The following CCNY variants were observed in gnomAD, a reference collection of about 807,000 sequenced individuals.
The protein encoded by CCNY is cyclin Y.
CCNY carries 19 observed loss-of-function variants against 42.8 expected under a neutral mutation model. The ratio of observed to expected loss-of-function variants is 0.44; its 90% CI spans 0.31 to 0.65. CCNY has a LOEUF of 0.65. Among genes scored for constraint, CCNY ranks in the 30% least tolerant of loss-of-function variants. The probability of loss-of-function intolerance (pLI) is 0.07; values close to 1 mark genes in which losing one functional copy is unlikely to be tolerated. For synonymous variants in CCNY, 165 were observed against 162.7 expected, an observed-to-expected ratio of 1.01 and a Z score of -0.11; for missense variants, 370 against 437.3, an observed-to-expected ratio of 0.85 and a Z score of 1.37.
intron 1 of CCNY, among the ~76,000 whole-genome samples, chr10:35,419,023 G>A (rs983629249): frequency 6.6e-6 from 1 of 152,036 alleles, no homozygotes; most frequent in Non-Finnish European, 1.5e-5. Context: ...GTTTCACCAT[G>A]TTGGCCAGGC....
intron 3 of CCNY, among the ~76,000 whole-genome samples, chr10:35,274,353 C>T (rs1232901507): frequency 1.3e-5 from 2 of 152,158 alleles, no homozygotes; most frequent in Admixed American, 6.6e-5. Context: ...ATGGGAGCTA[C>T]AATGCAAGAT....
chr10:35,412,860 CAAAAAAAAA>C (rs10558250), intron 1 of CCNY, among the ~76,000 whole-genome samples: 745 of 34,770 alleles, frequency 0.021, 12 homozygotes, highest in African/African-American at 0.071. Context: ...GACTCTGTCT[CAAAAAAAAA>C]AAAAAAAAAA....
chr10:35,503,173 TCTG>T (rs1840145715), intron 3 of CCNY, among the ~76,000 whole-genome samples: 1 of 151,954 alleles, frequency 6.6e-6, no homozygotes, highest in Non-Finnish European at 1.5e-5. Flanking sequence ...TGAGAACACA[TCTG>T]CTGCACCCAG....
intron 3 of CCNY, among the ~76,000 whole-genome samples, chr10:35,305,559 T>C (rs1193759578): frequency 6.6e-5 from 10 of 152,228 alleles, no homozygotes; most frequent in Non-Finnish European, 1.0e-4. Context: ...GAGCTGCTGT[T>C]TACCCAGTTA....
At chr10:35,293,518 G>C (rs1835438118) in intron 3 of CCNY, among the ~76,000 whole-genome samples, 2 of 152,102 alleles carry the variant, frequency 1.3e-5, no homozygotes, top group Admixed American at 6.6e-5. Context: ...TGGAATTTTG[G>C]TAATGAATGC....
At chr10:35,279,679 A>C (rs1277076242) in intron 3 of CCNY, among the ~76,000 whole-genome samples, 1 of 152,184 alleles carries the variant, frequency 6.6e-6, no homozygotes, top group East Asian at 1.9e-4. Context: ...AGGAATGCAG[A>C]TATGTGAGAG....
chr10:35,464,663 C>T (rs1839221853), intron 1 of CCNY, among the ~76,000 whole-genome samples: 1 of 151,998 alleles, frequency 6.6e-6, no homozygotes, highest in African/African-American at 2.4e-5. Context: ...ACCCATTCTT[C>T]CTGGAGGCAC....
At chr10:35,309,151 A>G (rs1386961946) in intron 3 of CCNY, among the ~76,000 whole-genome samples, 1 of 152,260 alleles carries the variant, frequency 6.6e-6, no homozygotes, top group African/African-American at 2.4e-5. Context: ...TACATCTGCA[A>G]GGCAGTGGCT....
chr10:35,496,440 A>T (rs1288689407), intron 2 of CCNY, among the ~76,000 whole-genome samples: 1 of 152,202 alleles, frequency 6.6e-6, no homozygotes, highest in African/African-American at 2.4e-5. Flanking sequence ...TTGCCAAAGA[A>T]AGAGTATCTT....
chr10:35,273,908 G>C (rs1306792869), intron 3 of CCNY, among the ~76,000 whole-genome samples: 1 of 152,078 alleles, frequency 6.6e-6, no homozygotes. Context: ...ACCTGTGGCA[G>C]GGCCCTTCCT....
chr10:35,395,314 GA>G (rs1257214689), intron 1 of CCNY, among the ~76,000 whole-genome samples: 4 of 152,184 alleles, frequency 2.6e-5, no homozygotes, highest in African/African-American at 9.7e-5. Context: ...TTTTACTCAG[GA>G]AAACTATTGC....
chr10:35,337,915 T>G (rs921811247), intron 1 of CCNY, among the ~76,000 whole-genome samples: 3 of 152,142 alleles, frequency 2.0e-5, no homozygotes, highest in Non-Finnish European at 4.4e-5. Context: ...GTCTGGAGTT[T>G]GCAAAAAGAA....
chr10:35,535,582 C>T (rs749549134), intron 7 of CCNY, among the ~76,000 whole-genome samples: 1 of 151,888 alleles, frequency 6.6e-6, no homozygotes, highest in Non-Finnish European at 1.5e-5. Flanking sequence ...GAGTGTTGGC[C>T]CTCCTTGTAC....
At chr10:35,473,213 G>C (rs112600598) in intron 1 of CCNY, among the ~76,000 whole-genome samples, 1 of 152,156 alleles carries the variant, frequency 6.6e-6, no homozygotes, top group Non-Finnish European at 1.5e-5. Flanking sequence ...AAACCAGGCC[G>C]TACATGTCTC....
intron 1 of CCNY, among the ~76,000 whole-genome samples, chr10:35,360,100 G>A (rs1406736385): frequency 6.6e-6 from 1 of 152,122 alleles, no homozygotes; most frequent in African/African-American, 2.4e-5. Context: ...TTGAGTTCTT[G>A]CTTTCAATTC....
At chr10:35,408,941 CTTGTTT>C (rs983933171) in intron 1 of CCNY, among the ~76,000 whole-genome samples, 8 of 150,354 alleles carry the variant, frequency 5.3e-5, no homozygotes, top group African/African-American at 2.0e-4. Flanking sequence ...CTGCTCAATT[CTTGTTT>C]TTGTTTTTTT....
At chr10:35,447,517 T>G (rs1838819814) in intron 1 of CCNY, among the ~76,000 whole-genome samples, 1 of 152,208 alleles carries the variant, frequency 6.6e-6, no homozygotes, top group East Asian at 1.9e-4. Flanking sequence ...TTTCTCACAC[T>G]TCTTGATTTT....
chr10:35,509,369 C>T (rs912366110), intron 3 of CCNY, among the ~76,000 whole-genome samples: 1 of 152,074 alleles, frequency 6.6e-6, no homozygotes, highest in African/African-American at 2.4e-5. Flanking sequence ...TCTGCCTTCC[C>T]GGTTCAAGTG....
chr10:35,398,358 T>C (rs1423188348), intron 1 of CCNY, among the ~76,000 whole-genome samples: 1 of 152,370 alleles, frequency 6.6e-6, no homozygotes, highest in Non-Finnish European at 1.5e-5. Context: ...ATACAGGTTG[T>C]GTTCCTTGGA....
Sources: gnomAD v4.1 joint callset for allele counts (sites outside exome capture counted in the v4.1 genomes callset) on GRCh38, gnomAD v4.1.1 for gene constraint, MANE v1.5 for transcripts, NCBI Gene and HGNC (gene_info 2026-07-23, HGNC 2026-07-21) for gene names.